RBMS3: variants seen among roughly 807,000 people sequenced by gnomAD.
RBMS3 encodes the protein RNA binding motif single stranded interacting protein 3.
Under a neutral mutation model 66.8 loss-of-function variants are expected in RBMS3, and 27 were observed. The ratio of observed to expected loss-of-function variants is 0.40; its 90% confidence interval spans 0.30 to 0.56. RBMS3 has a LOEUF of 0.56. Ranked by LOEUF, RBMS3 falls within the 20% of genes least tolerant of loss-of-function variation. The pLI, the probability that RBMS3 is intolerant of heterozygous loss-of-function variation, is 0.40. For synonymous variants in RBMS3, 188 were observed against 183.0 expected (o/e 1.03, Z -0.22); for missense variants, 513 against 549.5 (o/e 0.93, Z 0.66).
At chr3:29,889,403 G>A (rs942521994) in intron 8 of RBMS3, among the ~76,000 whole-genome samples, 7 of 151,692 alleles carry the variant, frequency 4.6e-5, no homozygotes, top group African/African-American at 1.7e-4. Context: ...AAGAAAAACA[G>A]TTTAAGCAAT....
At chr3:29,979,417 T>C (rs1357640274) in intron 12 of RBMS3, among the ~76,000 whole-genome samples, 1 of 152,160 alleles carries the variant, frequency 6.6e-6, no homozygotes, top group Non-Finnish European at 1.5e-5. Context: ...TTTAAATAAG[T>C]GTCATTTGAA....
At chr3:29,371,023 C>T (rs1461081398) in intron 1 of RBMS3, among the ~76,000 whole-genome samples, 1 of 152,148 alleles carries the variant, frequency 6.6e-6, no homozygotes, top group Non-Finnish European at 1.5e-5. Context: ...ATGTCATTTT[C>T]ATGATTTTAT....
chr3:29,640,317 G>A (rs900832875), intron 4 of RBMS3, among the ~76,000 whole-genome samples: 3 of 150,712 alleles, frequency 2.0e-5, no homozygotes, highest in Non-Finnish European at 4.4e-5. Flanking sequence ...AAAGAAAACA[G>A]CAAAAGGTAG....
chr3:29,644,196 T>A (rs1308195031), intron 4 of RBMS3, among the ~76,000 whole-genome samples: 3 of 152,186 alleles, frequency 2.0e-5, no homozygotes, highest in Non-Finnish European at 4.4e-5. Flanking sequence ...CCAAATAGCC[T>A]CTAGCAATCA....
chr3:29,672,872 A>G (rs2051067673), intron 4 of RBMS3, among the ~76,000 whole-genome samples: 1 of 152,168 alleles, frequency 6.6e-6, no homozygotes, highest in South Asian at 2.1e-4. Context: ...ACAGATCAAC[A>G]AGACAGAAAG....
chr3:29,393,117 G>T (rs2039383707), intron 1 of RBMS3, among the ~76,000 whole-genome samples: 2 of 152,056 alleles, frequency 1.3e-5, no homozygotes, highest in African/African-American at 4.8e-5. Context: ...TTAACTATTA[G>T]CAGAACATAA....
intron 3 of RBMS3, among the ~76,000 whole-genome samples, chr3:29,497,418 A>C (rs1298574718): frequency 1.3e-5 from 2 of 152,222 alleles, no homozygotes; most frequent in Admixed American, 6.5e-5. Context: ...TTACTAATCC[A>C]TGTTATCTGA....
At chr3:29,518,438 A>G (rs1228793713) in intron 3 of RBMS3, among the ~76,000 whole-genome samples, 1 of 152,240 alleles carries the variant, frequency 6.6e-6, no homozygotes, top group African/African-American at 2.4e-5. Flanking sequence ...AATAATAAAA[A>G]TGCCTTAGGA....
chr3:29,290,146 A>G (rs1007804318), intron 1 of RBMS3, among the ~76,000 whole-genome samples: 3 of 151,872 alleles, frequency 2.0e-5, no homozygotes, highest in Non-Finnish European at 2.9e-5. Flanking sequence ...GTAAATTCTC[A>G]TGTTGCTTCT....
chr3:29,702,767 C>G (rs535266650), intron 4 of RBMS3, among the ~76,000 whole-genome samples: 1 of 152,286 alleles, frequency 6.6e-6, no homozygotes, highest in South Asian at 2.1e-4. Flanking sequence ...CTGAAGCCAG[C>G]GAGACCACGA....
chr3:29,904,551 AC>A (rs976693071), intron 10 of RBMS3, among the ~76,000 whole-genome samples: 7 of 152,024 alleles, frequency 4.6e-5, no homozygotes, highest in Non-Finnish European at 7.4e-5. Flanking sequence ...CAAAAGGTGT[AC>A]TTTCTTGAAA....
At chr3:29,459,676 G>C (rs1205397552) in intron 2 of RBMS3, among the ~76,000 whole-genome samples, 2 of 152,214 alleles carry the variant, frequency 1.3e-5, no homozygotes, top group Admixed American at 6.5e-5. Flanking sequence ...CCCTAGAGGT[G>C]AGTGGGGGAA....
At chr3:29,701,094 T>C (rs1317283197) in intron 4 of RBMS3, among the ~76,000 whole-genome samples, 1 of 152,064 alleles carries the variant, frequency 6.6e-6, no homozygotes, top group Non-Finnish European at 1.5e-5. Flanking sequence ...CTGGCCAACA[T>C]GGTGAAACCC....
intron 12 of RBMS3, among the ~76,000 whole-genome samples, chr3:29,987,188 ACTTGT>A (rs1698446758): frequency 6.6e-6 from 1 of 152,136 alleles, no homozygotes. Flanking sequence ...AATTGAGAAA[ACTTGT>A]CTTTATTTGA....
intron 1 of RBMS3, among the ~76,000 whole-genome samples, chr3:29,405,461 T>C (rs4680827): frequency 0.64 from 96,784 of 151,892 alleles, 32,819 homozygotes; most frequent in African/African-American, 0.85. Flanking sequence ...TATTCTTGCC[T>C]GTATATTATT....
At chr3:29,377,155 G>T (rs1187384428) in intron 1 of RBMS3, among the ~76,000 whole-genome samples, 2 of 151,948 alleles carry the variant, frequency 1.3e-5, no homozygotes, top group Admixed American at 1.3e-4. Context: ...GCTAAAGTCA[G>T]CCTCTTTATG....
At chr3:29,700,537 A>T (rs1340231602) in intron 4 of RBMS3, among the ~76,000 whole-genome samples, 1 of 152,236 alleles carries the variant, frequency 6.6e-6, no homozygotes, top group Admixed American at 6.5e-5. Context: ...AGCAAATTTT[A>T]CTTGCTCTCA....
chr3:29,653,569 G>A (rs554520552), intron 4 of RBMS3, among the ~76,000 whole-genome samples: 2 of 152,212 alleles, frequency 1.3e-5, no homozygotes, highest in South Asian at 4.2e-4. Flanking sequence ...GAGTGAGGAT[G>A]TGTATTTATG....
intron 2 of RBMS3, among the ~76,000 whole-genome samples, chr3:29,450,140 C>G (rs1466788641): frequency 6.6e-6 from 1 of 152,132 alleles, no homozygotes; most frequent in Non-Finnish European, 1.5e-5. Context: ...GGATTCTTGG[C>G]TTAGGAGTGG....
Sources: gnomAD v4.1 joint callset for allele counts (sites outside exome capture counted in the v4.1 genomes callset) on GRCh38, gnomAD v4.1.1 for gene constraint, MANE v1.5 for transcripts, NCBI Gene and HGNC (gene_info 2026-07-23, HGNC 2026-07-21) for gene names.